The following PPIP5K2 variants were observed in gnomAD, a reference collection of about 807,000 sequenced individuals.
PPIP5K2 encodes the protein inositol hexakisphosphate and diphosphoinositol-pentakisphosphate kinase 2.
PPIP5K2 carries 105 observed loss-of-function variants against 154.6 expected under a neutral mutation model. That is an observed-to-expected ratio of 0.68 (90% CI 0.58 to 0.80). The LOEUF is 0.80. Among genes scored for constraint, PPIP5K2 ranks in the 30% least tolerant of loss-of-function variants. The pLI is 0.00. For missense variants in PPIP5K2, 992 were observed against 1,504.6 expected, an observed-to-expected ratio of 0.66 and a Z score of 5.64; for synonymous variants, 480 against 490.3, an observed-to-expected ratio of 0.98 and a Z score of 0.28.
intron 19 of PPIP5K2, among the ~76,000 whole-genome samples, chr5:103,172,503 A>C (rs1554219797): frequency 6.7e-6 from 1 of 150,336 alleles, no homozygotes; most frequent in Non-Finnish European, 1.5e-5. Context: ...CTCTACCCCC[A>C]CTTTTCTGCC....
chr5:103,150,450 C>T (rs1483304447), intron 8 of PPIP5K2, among the ~76,000 whole-genome samples: 1 of 152,024 alleles, frequency 6.6e-6, no homozygotes, highest in Non-Finnish European at 1.5e-5. Flanking sequence ...CAGGTGTTCA[C>T]GAATATGTGG....
At chr5:103,140,879 A>G (rs528501491) in intron 5 of PPIP5K2, among the ~76,000 whole-genome samples, 165 of 152,182 alleles carry the variant, frequency 1.1e-3, no homozygotes, top group African/African-American at 3.8e-3. Context: ...ACATGAAGAC[A>G]TAATATACTT....
At chr5:103,198,155 A>G (rs1314032050) in intron 30 of PPIP5K2, among the ~76,000 whole-genome samples, 9 of 151,994 alleles carry the variant, frequency 5.9e-5, no homozygotes, top group Non-Finnish European at 1.3e-4. Context: ...GCATATTTAG[A>G]AGTATATTGG....
rs1790259289 is a variant in PPIP5K2 at position 103,129,472 on chromosome 5, G to C, written c.-118G>C. On this transcript the variant is annotated 5_prime_UTR_variant, in exon 2 of 31. Coordinates refer to ENST00000358359, the MANE Select transcript of PPIP5K2 (RefSeq NM_001276277.3). The stretch of plus-strand genomic sequence containing the variant: ...CAAGTGATTGTATAAGCAGAAACAA[G>C]CTGTCACAGACCTGTGCGTCAGCTA... The C allele has an allele frequency of 1.4e-6, 1 of 700,222 alleles. No homozygotes were observed. Among genetic ancestry groups the C allele is most frequent in the African/African-American group, 1.8e-5 (1 of 54,404 alleles). The allele number at this position is 700,222 out of a possible 1,614,324, so 43.4% of individuals were successfully genotyped here. A position where few individuals can be genotyped will look rare whatever the true frequency, so the allele number is the denominator to read the frequency against.
intron 2 of PPIP5K2, among the ~76,000 whole-genome samples, chr5:103,132,265 G>C (rs1337316729): frequency 6.6e-6 from 1 of 152,092 alleles, no homozygotes; most frequent in African/African-American, 2.4e-5. Flanking sequence ...ATTTAGGCTG[G>C]GCGTGGTAGC....
In PPIP5K2 at chr5:103,184,696, C is replaced by T. The variant is rs1182003366; in HGVS notation, c.3121C>T (p.Leu1041=). 1.2e-6 allele frequency: 2 copies of T among 1,612,326 alleles called. No individual in the cohort carries two copies. The highest frequency in any genetic ancestry group is 1.7e-5 in the Admixed American group (1 of 59,974). Reference sequence around the variant, plus strand: ...GGTTGTATCTGAAAATGCTAATTACCTGAGAACACCAAGAACTCTTGTGGA... The same window carrying T: ...GGTTGTATCTGAAAATGCTAATTACTTGAGAACACCAAGAACTCTTGTGGA... ...QQVVSENANY[L]RTPRTLVEQK... Residue 1041 remains leucine (L), a synonymous_variant, in exon 26 of 31, where the codon CTG becomes TTG. Transcript: ENST00000358359.
chr5:103,190,638 T>C (rs1178628007), intron 28 of PPIP5K2, among the ~76,000 whole-genome samples: 1 of 151,966 alleles, frequency 6.6e-6, no homozygotes, highest in Non-Finnish European at 1.5e-5. Context: ...GTGATTACAT[T>C]TAAAAAGAAA....
intron 14 of PPIP5K2, among the ~76,000 whole-genome samples, chr5:103,157,844 A>C (rs1164282022): frequency 6.6e-6 from 1 of 152,264 alleles, no homozygotes; most frequent in Non-Finnish European, 1.5e-5. Context: ...AATCCAGCAG[A>C]CATAGCACAA....
Position 103,142,289 on chromosome 5 carries a change from TCATTGTCCA to T in PPIP5K2, c.487+3821_487+3829del, listed in dbSNP as rs535344818. 4.8e-3 allele frequency among the ~76,000 whole-genome samples: 736 copies of T among 152,258 alleles called. 6 individuals carry two copies. The highest frequency in any genetic ancestry group is 0.017 in the African/African-American group (721 of 41,562). On this transcript the variant is annotated intron_variant, in intron 5 of 30. Coordinates refer to ENST00000358359, the MANE Select transcript of PPIP5K2 (RefSeq NM_001276277.3). Reference sequence around the variant, plus strand: ...GCCACTGGCCCGGGTGCTAAGTCCCTCATTGTCCAGGGCCAGGCTGGCCGGCTGCTCCGA... The same window carrying T: ...GCCACTGGCCCGGGTGCTAAGTCCCTGGGCCAGGCTGGCCGGCTGCTCCGA...
At position 103,206,319 on chromosome 5, in the gene PPIP5K2, C is replaced by T. The variant is rs1316414129; in HGVS notation, c.*4685C>T. 1 of 152,094 alleles carries T rather than the reference C, an allele frequency of 6.6e-6. No homozygotes were observed. The highest frequency in any genetic ancestry group is 1.5e-5 in the Non-Finnish European group (1 of 68,018). 9.4% of individuals were successfully genotyped at this position (152,094 alleles called of 1,614,324 possible). On this transcript the variant is annotated 3_prime_UTR_variant, in exon 31 of 31. Coordinates refer to ENST00000358359, the MANE Select transcript of PPIP5K2 (RefSeq NM_001276277.3). Reference sequence around the variant, plus strand: ...TAATTGCTGTCGGTTTCAGTGAGGACTACATATTTTTTTTGTTCATGTCCA... The same window carrying T: ...TAATTGCTGTCGGTTTCAGTGAGGATTACATATTTTTTTTGTTCATGTCCA...
At chr5:103,194,048 C>A (rs1225103702) in intron 29 of PPIP5K2, among the ~76,000 whole-genome samples, 3 of 152,166 alleles carry the variant, frequency 2.0e-5, no homozygotes, top group African/African-American at 7.2e-5. Flanking sequence ...TTACTTATAA[C>A]TTAATTAGTT....
intron 1 of PPIP5K2, among the ~76,000 whole-genome samples, chr5:103,128,924 A>G (rs1384706013): frequency 1.3e-5 from 2 of 152,086 alleles, no homozygotes; most frequent in Non-Finnish European, 1.5e-5. Flanking sequence ...GCTGCATTCC[A>G]TTTGTCTGTT....
rs373195670 is a variant in PPIP5K2, at chr5:103,183,313, G to A, written c.3002G>A (p.Arg1001His). Residue 1001 changes from arginine (R) to histidine (H), a missense_variant, in exon 25 of 31, where the codon CGT becomes CAT. Arg to His is a conservative substitution (Grantham distance 29). Coordinates refer to ENST00000358359, the MANE Select transcript of PPIP5K2 (RefSeq NM_001276277.3). Reference protein sequence around the residue: ...LHYTSGVGTGRRRRRSGEQIT... With the variant: ...LHYTSGVGTGHRRRRSGEQIT... ...TATACCAGTGGTGTGGGTACTGGGC[G>A]TCGAAGACGCAGATCAGGGGAACAA... 7.2e-5 allele frequency: 116 copies of A among 1,604,142 alleles called. No individual in the cohort carries two copies. Among genetic ancestry groups the A allele is most frequent in the Non-Finnish European group, 8.9e-5 (105 of 1,176,698 alleles).
intron 17 of PPIP5K2, 69 bp downstream of exon 17, chr5:103,159,397 C>A: frequency 7.8e-7 from 1 of 1,283,044 alleles, no homozygotes; most frequent in Non-Finnish European, 1.1e-6. Context: ...GTGCATAAAA[C>A]ATACATGTAG....
chr5:103,148,725 TCTTTC>T (rs1265755257), intron 7 of PPIP5K2, among the ~76,000 whole-genome samples: 3 of 152,148 alleles, frequency 2.0e-5, no homozygotes, highest in Non-Finnish European at 4.4e-5. Flanking sequence ...TGTTCATGCC[TCTTTC>T]CTTTACTTTT....
intron 28 of PPIP5K2, among the ~76,000 whole-genome samples, chr5:103,187,679 A>G (rs1482814996): frequency 2.6e-5 from 4 of 152,146 alleles, no homozygotes; most frequent in South Asian, 4.1e-4. Flanking sequence ...AGTCTACACA[A>G]ATTTTTAAAT....
chr5:103,201,753 T>C lies in PPIP5K2; in HGVS notation c.*119T>C, dbSNP rs1554230603. The C allele has an allele frequency of 4.0e-6, 3 of 756,100 alleles. No individual in the cohort carries two copies. Among genetic ancestry groups the C allele is most frequent in the Non-Finnish European group, 6.4e-6 (3 of 466,694 alleles). 46.8% of individuals were successfully genotyped at this position (756,100 alleles called of 1,614,324 possible). ...TTAAATCTAAGGTTTTCTTTGTTTATGTTCAGGTAAGGAACTGTTGTCATG... is the reference window on the plus strand; with the variant it reads ...TTAAATCTAAGGTTTTCTTTGTTTACGTTCAGGTAAGGAACTGTTGTCATG... On this transcript the variant is annotated 3_prime_UTR_variant, in exon 31 of 31. Coordinates refer to ENST00000358359, the MANE Select transcript of PPIP5K2 (RefSeq NM_001276277.3).
intron 19 of PPIP5K2, among the ~76,000 whole-genome samples, chr5:103,168,843 A>G (rs1324982877): frequency 6.6e-6 from 1 of 151,818 alleles, no homozygotes; most frequent in East Asian, 1.9e-4. Flanking sequence ...ATACTCTTAG[A>G]GAATAATAAT....
Position 103,153,171 on chromosome 5 carries a change from T to C in PPIP5K2, c.1130+422T>C, listed in dbSNP as rs1794901738. 2.0e-5 allele frequency among the ~76,000 whole-genome samples: 3 copies of C among 152,008 alleles called. No individual in the cohort carries two copies. In the South Asian group the frequency reaches 6.2e-4, roughly 31 times the overall value. The stretch of plus-strand genomic sequence containing the variant: ...ATGCTTTTTTTTCACAACTTAGATA[T>C]TTATATTAACATGTTAAATATCCTG... On this transcript the variant is annotated intron_variant, in intron 10 of 30. Transcript: ENST00000358359.
Sources: gnomAD v4.1 joint callset for allele counts (sites outside exome capture counted in the v4.1 genomes callset) on GRCh38, gnomAD v4.1.1 for gene constraint, MANE v1.5 for transcripts, NCBI Gene and HGNC (gene_info 2026-07-23, HGNC 2026-07-21) for gene names.